Variants in SCML4 observed in about 807,000 individuals in gnomAD.
The protein encoded by SCML4 is Scm polycomb group protein like 4.
SCML4 carries 34 observed loss-of-function variants against 41.1 expected under a neutral mutation model. The ratio of observed to expected loss-of-function variants is 0.83; its 90% confidence interval spans 0.63 to 1.10. The LOEUF (loss-of-function observed/expected upper bound fraction) is 1.10. SCML4 is among the 50% of genes least tolerant of loss of function. The pLI, the probability that SCML4 is intolerant of heterozygous loss-of-function variation, is 0.00. For synonymous variants in SCML4, 214 were observed against 220.9 expected (o/e 0.97, Z 0.28); for missense variants, 522 against 534.1 (o/e 0.98, Z 0.22).
intron 1 of SCML4, among the ~76,000 whole-genome samples, chr6:107,806,711 C>T (rs1357085003): frequency 6.6e-6 from 1 of 152,248 alleles, no homozygotes; most frequent in East Asian, 1.9e-4. Flanking sequence ...CGCCATCTCC[C>T]ACTGGAGCTC....
At chr6:107,775,501 T>C (rs1037415548) in intron 1 of SCML4, among the ~76,000 whole-genome samples, 4 of 152,216 alleles carry the variant, frequency 2.6e-5, no homozygotes, top group African/African-American at 9.6e-5. Flanking sequence ...GTTAATTTGT[T>C]TGCTGTCAGA....
intron 1 of SCML4, among the ~76,000 whole-genome samples, chr6:107,785,990 C>T (rs1210484657): frequency 6.6e-6 from 1 of 152,158 alleles, no homozygotes; most frequent in Non-Finnish European, 1.5e-5. Context: ...ATTTTGCTAC[C>T]AACCCTAGAG....
chr6:107,727,422 GT>G (rs895159901), intron 5 of SCML4, among the ~76,000 whole-genome samples: 6 of 151,888 alleles, frequency 4.0e-5, no homozygotes, highest in African/African-American at 7.3e-5. Flanking sequence ...TCTCAATAAA[GT>G]TTTTTTTTAA....
chr6:107,774,249 A>C (rs887421369), intron 1 of SCML4, among the ~76,000 whole-genome samples: 27 of 152,320 alleles, frequency 1.8e-4, no homozygotes, highest in Admixed American at 6.5e-5. Context: ...ATATATTAAC[A>C]TCTCTGAAAT....
intron 1 of SCML4, among the ~76,000 whole-genome samples, chr6:107,814,880 A>C (rs891105002): frequency 6.6e-6 from 1 of 152,128 alleles, no homozygotes; most frequent in African/African-American, 2.4e-5. Context: ...AAAATACCAT[A>C]TATGTGATAA....
chr6:107,729,165 AC>A (rs1197141846), intron 5 of SCML4, among the ~76,000 whole-genome samples: 1 of 152,078 alleles, frequency 6.6e-6, no homozygotes. Context: ...AAACTAACAA[AC>A]CGGGTGGTTT....
rs200973219 is a variant in SCML4, at chr6:107,749,678, A to G, written c.286+6T>C. On this transcript the variant is annotated splice_donor_region_variant and intron_variant, in intron 3 of 7. Transcript: ENST00000369020. ...CACAGCCTTGGAGTTCATTCTGCTG[A>G]CCTACCTGTGAGAGCCTGTGGGGCC... 2.8e-4 allele frequency: 455 copies of G among 1,613,632 alleles called. No individual in the cohort carries two copies. The highest frequency in any genetic ancestry group is 3.7e-4 in the Non-Finnish European group (442 of 1,179,924).
At chr6:107,845,703 T>C in the SCML4 span, among the ~76,000 whole-genome samples, 31 of 152,324 alleles carry the variant, frequency 2.0e-4, no homozygotes, top group African/African-American at 7.5e-4. Flanking sequence ...CAATTGTGTA[T>C]GACAGAACAC....
At chr6:107,755,503 C>T (rs113432561) in intron 2 of SCML4, 26 of 654,572 alleles carry the variant, frequency 4.0e-5, no homozygotes, top group Admixed American at 1.1e-4. Context: ...AAGAAGAGCA[C>T]GGATATGAGC....
At chr6:107,778,177 A>AG (rs1317126399) in intron 1 of SCML4, among the ~76,000 whole-genome samples, 1 of 134,980 alleles carries the variant, frequency 7.4e-6, no homozygotes, top group Non-Finnish European at 1.6e-5. Flanking sequence ...TGGACAACAG[A>AG]GTGAGCGAGA....
rs1278748216 is a variant in SCML4 at position 107,778,212 on chromosome 6, AAAAAAAAAAAATATATATATATATAT to A, written c.-59-5852_-59-5827del. 2.0e-3 allele frequency among the ~76,000 whole-genome samples: 15 copies of A among 7,346 alleles called. No individual in the cohort carries two copies. The East Asian group carries it at 0.03, about 15-fold the overall frequency. 4.8% of individuals were successfully genotyped at this position (7,346 alleles called of 152,430 possible). A position where few individuals can be genotyped will look rare whatever the true frequency, so the allele number is the denominator to read the frequency against. ...ACTCTATCTCAAAAAAAAAAAAAAA[AAAAAAAAAAAATATATATATATATAT>A]ATATATATATATATATATATATATA... On this transcript the variant is annotated intron_variant, in intron 1 of 7. Coordinates refer to ENST00000369020, the MANE Select transcript of SCML4 (RefSeq NM_198081.5).
chr6:107,742,786 A>C (rs1777705846), intron 5 of SCML4, among the ~76,000 whole-genome samples: 1 of 150,560 alleles, frequency 6.6e-6, no homozygotes, highest in Non-Finnish European at 1.5e-5. Context: ...GGCATCTTAC[A>C]AGAAATGCTA....
intron 2 of SCML4, among the ~76,000 whole-genome samples, chr6:107,760,384 C>T (rs1779489741): frequency 1.3e-5 from 2 of 152,188 alleles, no homozygotes; most frequent in Admixed American, 1.3e-4. Context: ...ACAATAAAGG[C>T]ACTCCAGCTG....
chr6:107,751,647 T>TTTCTTTCTTTA (rs1226281445), intron 2 of SCML4, among the ~76,000 whole-genome samples: 2 of 145,640 alleles, frequency 1.4e-5, no homozygotes, highest in East Asian at 3.9e-4. Flanking sequence ...TCTTTCTTTC[T>TTTCTTTCTTTA]TTTTTGAGAG....
chr6:107,787,205 T>C (rs1381187325), intron 1 of SCML4, among the ~76,000 whole-genome samples: 3 of 152,216 alleles, frequency 2.0e-5, no homozygotes, highest in Non-Finnish European at 2.9e-5. Flanking sequence ...AAAGCTTGGA[T>C]GGTATAAAGT....
At chr6:107,729,372 T>C (rs1255508850) in intron 5 of SCML4, among the ~76,000 whole-genome samples, 1 of 152,184 alleles carries the variant, frequency 6.6e-6, no homozygotes, top group African/African-American at 2.4e-5. Flanking sequence ...CACTGTGGTG[T>C]TTTCTCTGTG....
intron 5 of SCML4, among the ~76,000 whole-genome samples, chr6:107,736,108 C>T (rs1777043502): frequency 1.3e-5 from 2 of 152,170 alleles, no homozygotes; most frequent in Non-Finnish European, 2.9e-5. Flanking sequence ...GTGCCTGCCC[C>T]GTGGTTGTCA....
intron 2 of SCML4, among the ~76,000 whole-genome samples, chr6:107,766,498 G>T: frequency 6.6e-6 from 1 of 152,112 alleles, no homozygotes; most frequent in South Asian, 2.1e-4. Flanking sequence ...AACTATTATC[G>T]AATTTAGCAA....
At chr6:107,742,333 C>A (rs1355818005) in intron 5 of SCML4, among the ~76,000 whole-genome samples, 1 of 152,042 alleles carries the variant, frequency 6.6e-6, no homozygotes, top group Admixed American at 6.6e-5. Context: ...TATTAGTGTT[C>A]AAGAAGGAGT....
Sources: allele counts gnomAD v4.1 joint callset (sites outside exome capture counted in the v4.1 genomes callset), GRCh38; gene constraint gnomAD v4.1.1; transcripts MANE v1.5; gene names NCBI Gene and HGNC (gene_info 2026-07-23, HGNC 2026-07-21).